Variants in GRIK2 observed in about 807,000 individuals in gnomAD.
GRIK2 encodes the protein glutamate ionotropic receptor kainate type subunit 2.
GRIK2 carries 32 observed loss-of-function variants against 100.3 expected under a neutral mutation model. The ratio of observed to expected loss-of-function variants is 0.32; its 90% CI spans 0.24 to 0.43. GRIK2 has a LOEUF of 0.43. GRIK2 is among the 20% of genes least tolerant of loss of function. The pLI is 1.00. For missense variants in GRIK2, 843 were observed against 1,114.9 expected (o/e 0.76, Z 3.47); for synonymous variants, 417 against 389.4 (o/e 1.07, Z -0.83).
chr6:101,959,040 TAGAATG>T (rs1792119891), intron 14 of GRIK2, among the ~76,000 whole-genome samples: 1 of 152,108 alleles, frequency 6.6e-6, no homozygotes, highest in Non-Finnish European at 1.5e-5. Flanking sequence ...ACTGGCTTCA[TAGAATG>T]AGTTAGGGAG....
intron 7 of GRIK2, among the ~76,000 whole-genome samples, chr6:101,758,817 T>A (rs1777301611): frequency 6.6e-6 from 1 of 152,194 alleles, no homozygotes; most frequent in South Asian, 2.1e-4. Flanking sequence ...AATTCATTCT[T>A]TGGAAATAAT....
intron 4 of GRIK2, among the ~76,000 whole-genome samples, chr6:101,670,924 G>A (rs1770386820): frequency 6.6e-6 from 1 of 152,134 alleles, no homozygotes; most frequent in Admixed American, 6.5e-5. Flanking sequence ...GTAACATAGT[G>A]CCTTGCACAA....
chr6:101,659,432 A>G (rs910379112), intron 4 of GRIK2, among the ~76,000 whole-genome samples: 18 of 152,266 alleles, frequency 1.2e-4, no homozygotes, highest in Middle Eastern at 3.4e-3. Flanking sequence ...TATAGTTTGA[A>G]GTCAGGTAGC....
intron 8 of GRIK2, among the ~76,000 whole-genome samples, chr6:101,800,816 T>C (rs1421875731): frequency 1.3e-5 from 2 of 152,048 alleles, no homozygotes; most frequent in Non-Finnish European, 2.9e-5. Flanking sequence ...GAAGAATTGA[T>C]TTTTCTGAAC....
At chr6:102,013,391 T>G (rs1179123579) in intron 14 of GRIK2, among the ~76,000 whole-genome samples, 1 of 152,184 alleles carries the variant, frequency 6.6e-6, no homozygotes. Flanking sequence ...AGGGATACTT[T>G]TAATCCCTCT....
intron 14 of GRIK2, among the ~76,000 whole-genome samples, chr6:101,943,535 G>C (rs899042061): frequency 6.6e-6 from 1 of 152,184 alleles, no homozygotes; most frequent in Non-Finnish European, 1.5e-5. Flanking sequence ...GTACCCTAAA[G>C]AGCCACAGAA....
At chr6:101,442,915 CTG>C (rs1770159804) in intron 2 of GRIK2, among the ~76,000 whole-genome samples, 2 of 152,152 alleles carry the variant, frequency 1.3e-5, no homozygotes, top group Non-Finnish European at 2.9e-5. Context: ...CAAGTCTTGA[CTG>C]AATCCGCAAA....
At chr6:101,746,747 C>T (rs934756724) in intron 7 of GRIK2, among the ~76,000 whole-genome samples, 1 of 152,082 alleles carries the variant, frequency 6.6e-6, no homozygotes, top group African/African-American at 2.4e-5. Flanking sequence ...TATTGAATCC[C>T]TCAGTTTCCC....
At chr6:101,761,263 A>G (rs1283802493) in intron 7 of GRIK2, among the ~76,000 whole-genome samples, 3 of 152,140 alleles carry the variant, frequency 2.0e-5, no homozygotes, top group Admixed American at 1.3e-4. Flanking sequence ...CCTTTGTGGT[A>G]TGTCTGGTGC....
chr6:101,630,366 C>G (rs1279285464), intron 4 of GRIK2, among the ~76,000 whole-genome samples: 1 of 152,088 alleles, frequency 6.6e-6, no homozygotes, highest in Non-Finnish European at 1.5e-5. Flanking sequence ...TGCAACCTCA[C>G]CAACATTTAT....
intron 4 of GRIK2, among the ~76,000 whole-genome samples, chr6:101,627,616 A>C (rs1295323852): frequency 2.0e-5 from 3 of 152,184 alleles, no homozygotes; most frequent in Non-Finnish European, 4.4e-5. Context: ...AAACTTTATA[A>C]GGCATGTTAA....
intron 7 of GRIK2, among the ~76,000 whole-genome samples, chr6:101,728,030 C>T (rs1774995676): frequency 6.6e-6 from 1 of 151,854 alleles, no homozygotes; most frequent in Non-Finnish European, 1.5e-5. Context: ...CAAATAGAAC[C>T]TGTCCAAATG....
intron 7 of GRIK2, among the ~76,000 whole-genome samples, chr6:101,767,529 TTAAAA>T: frequency 6.6e-6 from 1 of 152,322 alleles, no homozygotes; most frequent in Non-Finnish European, 1.5e-5. Context: ...CATTTATTTG[TTAAAA>T]TAATGAGGTA....
In GRIK2 at chr6:102,069,727, A is replaced by G. The variant is rs898187717; in HGVS notation, c.*1216A>G. On this transcript the variant is annotated 3_prime_UTR_variant, in exon 17 of 17. Transcript: ENST00000369134. ...AATTTTTGTAATACTTTTTATCAAC[A>G]AAACAAGAACATGTGTTCCTGTCAG... 2.0e-5 allele frequency: 3 copies of G among 152,102 alleles called. No individual in the cohort carries two copies. Among genetic ancestry groups the G allele is most frequent in the African/African-American group, 7.2e-5 (3 of 41,454 alleles). 9.4% of individuals were successfully genotyped at this position (152,102 alleles called of 1,614,324 possible). A position where few individuals can be genotyped will look rare whatever the true frequency, so the allele number is the denominator to read the frequency against.
chr6:101,452,842 G>C (rs1430161377), intron 2 of GRIK2, among the ~76,000 whole-genome samples: 1 of 151,832 alleles, frequency 6.6e-6, no homozygotes, highest in African/African-American at 2.4e-5. Flanking sequence ...AATACTATCT[G>C]AATGTTGTCC....
chr6:101,813,858 G>A (rs1240159344), intron 9 of GRIK2, among the ~76,000 whole-genome samples: 1 of 151,902 alleles, frequency 6.6e-6, no homozygotes, highest in African/African-American at 2.4e-5. Flanking sequence ...AGCTACTTGG[G>A]AGGCTGAGGT....
chr6:101,975,813 A>ATCTATCTC (rs1369784152), intron 14 of GRIK2, among the ~76,000 whole-genome samples: 1 of 109,786 alleles, frequency 9.1e-6, no homozygotes. Flanking sequence ...CTATCTGTCT[A>ATCTATCTC]TCTATCTATC....
chr6:101,461,979 G>T lies in GRIK2; in HGVS notation c.115+62587G>T, dbSNP rs138818898. ...ACGAAGCTGAGAATTGATTCACAAG[G>T]CTGCCTGGTTTTCAATCTCAGTTCT... On this transcript the variant is annotated intron_variant, in intron 2 of 16. Transcript: ENST00000369134. Among the ~76,000 whole-genome samples, 5 of 152,234 alleles carry T rather than the reference G, an allele frequency of 3.3e-5. No individual in the cohort carries two copies. In the East Asian group the frequency reaches 9.7e-4, roughly 29 times the overall value.
intron 10 of GRIK2, among the ~76,000 whole-genome samples, chr6:101,856,971 A>G (rs1784456283): frequency 6.6e-6 from 1 of 152,162 alleles, no homozygotes; most frequent in Non-Finnish European, 1.5e-5. Flanking sequence ...CCAGTAGTCA[A>G]ATATTTGAAA....
Sources: allele counts gnomAD v4.1 joint callset (sites outside exome capture counted in the v4.1 genomes callset), GRCh38; gene constraint gnomAD v4.1.1; transcripts MANE v1.5; gene names NCBI Gene and HGNC (gene_info 2026-07-23, HGNC 2026-07-21).